Variants in EMILIN2 observed in about 807,000 individuals in gnomAD.
The protein encoded by EMILIN2 is elastin microfibril interfacer 2, also known as EMILIN-2.
Under a neutral mutation model 87.1 loss-of-function variants are expected in EMILIN2, and 71 were observed. That is an observed-to-expected ratio of 0.82 (90% confidence interval 0.67 to 0.99). The LOEUF is 0.99. Ranked by LOEUF, EMILIN2 falls within the 50% of genes least tolerant of loss-of-function variation. EMILIN2 has a pLI of 0.00. For missense variants in EMILIN2, 1,407 were observed against 1,371.8 expected (o/e 1.03, Z -0.40); for synonymous variants, 581 against 563.4 (o/e 1.03, Z -0.44).
chr18:2,880,507 C>T lies in EMILIN2; in HGVS notation c.258-4457C>T, dbSNP rs946073905. Reference sequence around the variant, plus strand: ...CCCAAGGGCCGCCCCCGCCCATACCCAAGGCACCTGTGGACGGGGCTCTCC... The same window carrying T: ...CCCAAGGGCCGCCCCCGCCCATACCTAAGGCACCTGTGGACGGGGCTCTCC... On this transcript the variant is annotated intron_variant, in intron 2 of 7. Transcript: ENST00000254528. This position sits in a 1 kb window ranked among gnomAD's most constrained non-coding sequence, Gnocchi z 4.1. Among the ~76,000 whole-genome samples, 3 of 152,214 alleles carry T rather than the reference C, an allele frequency of 2.0e-5. No homozygotes were observed. Among genetic ancestry groups the T allele is most frequent in the Admixed American group, 6.5e-5 (1 of 15,292 alleles).
Position 2,913,410 on chromosome 18 carries a change from C to A in EMILIN2, c.*6C>A. On this transcript the variant is annotated 3_prime_UTR_variant, in exon 8 of 8. Coordinates refer to ENST00000254528, the MANE Select transcript of EMILIN2 (RefSeq NM_032048.3). ...CTTTCCTTTCCCACCTCTAAGGTGG[C>A]TGGGGAGATGTCAGGGGAAAGATAG... 1.3e-6 allele frequency: 2 copies of A among 1,559,030 alleles called. No individual in the cohort carries two copies. The highest frequency in any genetic ancestry group is 1.7e-6 in the Non-Finnish European group (2 of 1,149,778).
chr18:2,913,001 A>G (rs1327480882), intron 7 of EMILIN2, 66 bp from the exon 8 acceptor site: 9 of 1,548,794 alleles, frequency 5.8e-6, no homozygotes, highest in Non-Finnish European at 7.9e-6. Flanking sequence ...CTGGGGGGCC[A>G]CTTACTACCA....
intron 4 of EMILIN2, among the ~76,000 whole-genome samples, chr18:2,899,266 C>T (rs1179757762): frequency 6.6e-6 from 1 of 151,962 alleles, no homozygotes; most frequent in African/African-American, 2.4e-5. Context: ...AAGCTGTGCC[C>T]AAAAAGAAAG....
At chr18:2,854,579 A>G (rs115759047) in intron 2 of EMILIN2, among the ~76,000 whole-genome samples, 4,317 of 151,998 alleles carry the variant, frequency 0.028, 204 homozygotes, top group African/African-American at 0.098. Context: ...GATCGCTTGA[A>G]CCCAGGAGTT....
chr18:2,847,048 GAGCACTGGTTGGAGCGCCGCGA>G lies in EMILIN2; in HGVS notation c.-137_-116del. The stretch of plus-strand genomic sequence containing the variant: ...CGAGAAGCCGGAGGGGGCGGCCGCG[GAGCACTGGTTGGAGCGCCGCGA>G]AGCGCCCGAGCCTCTTGCCTTCGCG... On this transcript the variant is annotated 5_prime_UTR_variant, in exon 1 of 8. Coordinates refer to ENST00000254528, the MANE Select transcript of EMILIN2 (RefSeq NM_032048.3). This position sits in a 1 kb window ranked among gnomAD's most constrained non-coding sequence, Gnocchi z 4.5. 1 of 1,064,258 alleles carries G rather than the reference GAGCACTGGTTGGAGCGCCGCGA, an allele frequency of 9.4e-7. No homozygotes were observed. Among genetic ancestry groups the G allele is most frequent in the Non-Finnish European group, 1.1e-6 (1 of 874,842 alleles). The allele number at this position is 1,064,258 out of a possible 1,614,324, so 65.9% of individuals were successfully genotyped here.
intron 2 of EMILIN2, among the ~76,000 whole-genome samples, chr18:2,884,191 C>T (rs996608092): frequency 5.3e-5 from 8 of 152,146 alleles, no homozygotes; most frequent in Non-Finnish European, 8.8e-5. Context: ...CTCCTGACCT[C>T]GTGATCCGCC....
At chr18:2,912,517 G>A (rs1012101893) in intron 7 of EMILIN2, among the ~76,000 whole-genome samples, 2 of 152,176 alleles carry the variant, frequency 1.3e-5, no homozygotes, top group African/African-American at 4.8e-5. Context: ...TCTGCTTAGC[G>A]AATTGTGACA....
At chr18:2,905,148 A>G (rs2076903928) in intron 4 of EMILIN2, among the ~76,000 whole-genome samples, 1 of 151,862 alleles carries the variant, frequency 6.6e-6, no homozygotes. Flanking sequence ...TCTAGAATGG[A>G]ATTAGCTCTG....
rs753031081 is a variant in EMILIN2 at position 2,913,067 on chromosome 18, G to A, written c.2825G>A (p.Gly942Glu). The change falls in exon 8 of 8, where the codon GGG (glycine) becomes GAG (glutamate). Residue 942 changes from glycine (G) to glutamate (E), a missense_variant and splice_region_variant. Physicochemically the swap from Gly to Glu is moderately conservative, Grantham distance 98. Coordinates refer to ENST00000254528, the MANE Select transcript of EMILIN2 (RefSeq NM_032048.3). The part of the protein sequence containing the change: ...NDGDVYNPST[G>E]VFTAPYDGRY... The stretch of plus-strand genomic sequence containing the variant: ...ACAGGGTTTGCCTTTCTCCCCGCAG[G>A]GGTCTTCACGGCTCCTTATGATGGG... The A allele has an allele frequency of 1.2e-6, 2 of 1,608,304 alleles. No individual in the cohort carries two copies. Among genetic ancestry groups the A allele is most frequent in the South Asian group, 1.1e-5 (1 of 91,078 alleles).
At position 2,914,442 on chromosome 18, in the gene EMILIN2, A is replaced by G. The variant is rs2076956620; in HGVS notation, c.*1038A>G. 6.6e-6 allele frequency: 1 copy of G among 152,190 alleles called. No homozygotes were observed. The highest frequency in any genetic ancestry group is 2.4e-5 in the African/African-American group (1 of 41,444). The allele number at this position is 152,190 out of a possible 1,614,324, so 9.4% of individuals were successfully genotyped here. A position where few individuals can be genotyped will look rare whatever the true frequency, so the allele number is the denominator to read the frequency against. On this transcript the variant is annotated 3_prime_UTR_variant, in exon 8 of 8. Transcript: ENST00000254528. ...GCTCTTGGGTTTCTAAGCAGCAGGA[A>G]GCTCAACCTAACGCTGGCCACACGC... is the stretch of plus-strand genomic sequence containing the variant.
chr18:2,887,091 T>C (rs1230617044), intron 3 of EMILIN2, among the ~76,000 whole-genome samples: 2 of 152,214 alleles, frequency 1.3e-5, no homozygotes, highest in Non-Finnish European at 2.9e-5. Context: ...TTTACCACTT[T>C]ATAGTATGAA....
intron 2 of EMILIN2, among the ~76,000 whole-genome samples, chr18:2,882,129 C>A (rs746469542): frequency 6.6e-6 from 1 of 152,200 alleles, no homozygotes; most frequent in Non-Finnish European, 1.5e-5. Flanking sequence ...CCCCATGAGC[C>A]TCTGTTTTCT....
At chr18:2,849,486 A>G (rs2076592672) in intron 2 of EMILIN2, among the ~76,000 whole-genome samples, 1 of 152,174 alleles carries the variant, frequency 6.6e-6, no homozygotes, top group Non-Finnish European at 1.5e-5. Context: ...AAACCAAAGG[A>G]TGATTTAATT....
At chr18:2,901,290 G>A (rs1239749196) in intron 4 of EMILIN2, among the ~76,000 whole-genome samples, 3 of 152,238 alleles carry the variant, frequency 2.0e-5, no homozygotes, top group African/African-American at 7.2e-5. Flanking sequence ...CAGCCCAGCT[G>A]CTCAGGGCTC....
At chr18:2,884,254 C>G (rs979649601) in intron 2 of EMILIN2, among the ~76,000 whole-genome samples, 1 of 149,900 alleles carries the variant, frequency 6.7e-6, no homozygotes. Context: ...CCGCGCCCAG[C>G]CTCTTTTTCT....
In EMILIN2 at chr18:2,890,763, C is replaced by T; in HGVS notation, c.636C>T (p.Leu212=). Residue 212 remains leucine, a synonymous_variant, in exon 4 of 8, where the codon CTC becomes CTT. Transcript: ENST00000254528. This position sits in a 1 kb window ranked among gnomAD's most constrained non-coding sequence, Gnocchi z 4.7. ...QSSLAGVSEN[L]KHATQDDASR... ...CCCTTGCTGGAGTGAGTGAAAATCTCAAACATGCCACTCAGGATGATGCCA... is the reference window on the plus strand; with the variant it reads ...CCCTTGCTGGAGTGAGTGAAAATCTTAAACATGCCACTCAGGATGATGCCA... 6.2e-7 allele frequency: 1 copy of T among 1,613,894 alleles called. No individual in the cohort carries two copies. Among genetic ancestry groups the T allele is most frequent in the Non-Finnish European group, 8.5e-7 (1 of 1,179,892 alleles).
intron 2 of EMILIN2, among the ~76,000 whole-genome samples, chr18:2,873,253 A>T (rs2076729794): frequency 6.6e-6 from 1 of 151,944 alleles, no homozygotes; most frequent in African/African-American, 2.4e-5. Flanking sequence ...TCTACTAAAA[A>T]TACAAAATTA....
At chr18:2,871,263 G>A (rs1041641592) in intron 2 of EMILIN2, among the ~76,000 whole-genome samples, 5 of 152,124 alleles carry the variant, frequency 3.3e-5, no homozygotes, top group African/African-American at 1.2e-4. Context: ...TTTTGTGGAG[G>A]ATGGGGTCTT....
intron 2 of EMILIN2, among the ~76,000 whole-genome samples, chr18:2,859,944 C>T (rs1255405336): frequency 6.6e-6 from 1 of 152,176 alleles, no homozygotes; most frequent in Non-Finnish European, 1.5e-5. Flanking sequence ...TATTTTTATA[C>T]CAGTACCATG....
Sources: allele counts gnomAD v4.1 joint callset (sites outside exome capture counted in the v4.1 genomes callset), GRCh38; gene constraint gnomAD v4.1.1; non-coding constraint Gnocchi (gnomAD v3.1); transcripts MANE v1.5; gene names NCBI Gene and HGNC (gene_info 2026-07-23, HGNC 2026-07-21).